Variants in NEB observed in about 807,000 individuals in gnomAD.
The protein encoded by NEB is nebulin, also known as nemaline myopathy type 2.
NEB carries 512 observed loss-of-function variants against 952.2 expected under a neutral mutation model. The observed-to-expected ratio is 0.54, with a 90% CI of 0.50 to 0.58. NEB has a LOEUF of 0.58. Ranked by LOEUF, NEB falls within the 20% of genes least tolerant of loss-of-function variation. NEB has a pLI of 0.00. For missense variants in NEB, 8,428 were observed against 9,231.1 expected (o/e 0.91, Z 3.56); for synonymous variants, 2,900 against 3,149.8 (o/e 0.92, Z 2.66).
At position 151,516,545 on chromosome 2, in the gene NEB, A is replaced by G. The variant is rs1472376062; in HGVS notation, c.22819T>C (p.Tyr7607His). 1 of 1,610,678 alleles carries G rather than the reference A, an allele frequency of 6.2e-7. No individual in the cohort carries two copies. Among genetic ancestry groups the G allele is most frequent in the Non-Finnish European group, 8.5e-7 (1 of 1,177,510 alleles). The change falls in exon 157 of 182, where the codon TAT becomes CAT. Residue 7607 changes from tyrosine (Y) to histidine (H), a missense_variant. Tyr to His is a moderately conservative substitution (Grantham distance 83). Coordinates refer to ENST00000397345, the MANE Select transcript of NEB (RefSeq NM_001164508.2). Reference protein sequence around the residue: ...LQSIVKYKEKYEKERGKPMLD... With the variant: ...LQSIVKYKEKHEKERGKPMLD... ...ATGGGTTTTCCTCGTTCCTTTTCAT[A>G]CTTTTCTTTGTATTTCACCTGGTGA...
intron 159 of NEB, 81 bp from the exon 160 acceptor site, chr2:151,513,774 A>G (rs2076089908): frequency 1.0e-6 from 1 of 953,890 alleles, no homozygotes; most frequent in Non-Finnish European, 1.6e-6. Flanking sequence ...ATGTAAATCC[A>G]CATAACACGC....
At chr2:151,646,264 GTGT>G in intron 54 of NEB, 30 bp from the exon 55 acceptor site, 1 of 1,479,816 alleles carries the variant, frequency 6.8e-7, no homozygotes, top group Non-Finnish European at 9.2e-7. Flanking sequence ...TTTTTCAGTG[GTGT>G]TGTTAGATTA....
chr2:151,533,649 C>A (rs1309863168), intron 142 of NEB, 103 bp from the exon 143 acceptor site: 5 of 715,224 alleles, frequency 7.0e-6, no homozygotes, highest in Non-Finnish European at 1.2e-5. Flanking sequence ...TGTAGGCATA[C>A]ACACTTTATG....
At position 151,509,027 on chromosome 2, in the gene NEB, TAGGGCTG is replaced by T. The variant is rs563284532; in HGVS notation, c.23347-925_23347-919del. 8.1e-4 allele frequency among the ~76,000 whole-genome samples: 124 copies of T among 152,348 alleles called. No homozygotes were observed. In the East Asian group the frequency reaches 0.016, roughly 20 times the overall value. ...CACTCTTCAGGGAAGTTTTAGTTTG[TAGGGCTG>T]AGGGCTGAGGAATGAGACTAGCCAC... On this transcript the variant is annotated intron_variant, in intron 161 of 181. Coordinates refer to ENST00000397345, the MANE Select transcript of NEB (RefSeq NM_001164508.2).
intron 18 of NEB, 124 bp downstream of exon 18, chr2:151,695,454 T>C (rs2099589329): frequency 1.4e-6 from 1 of 723,610 alleles, no homozygotes; most frequent in Admixed American, 2.7e-5. Context: ...AGCAACATGA[T>C]ACAAATGTTA....
intron 34 of NEB, 23 bp downstream of exon 34, chr2:151,677,542 C>G: frequency 1.3e-6 from 2 of 1,585,222 alleles, no homozygotes; most frequent in Non-Finnish European, 1.7e-6. Flanking sequence ...TATCCTCTGT[C>G]CTCTCTATTT....
chr2:151,520,856 C>G (rs1211769374), intron 153 of NEB, among the ~76,000 whole-genome samples: 1 of 149,274 alleles, frequency 6.7e-6, no homozygotes, highest in Non-Finnish European at 1.5e-5. Flanking sequence ...AGAGCAAGAC[C>G]CTGTCTCACA....
At chr2:151,542,737 C>T (rs1036499135) in intron 135 of NEB, among the ~76,000 whole-genome samples, 1 of 152,174 alleles carries the variant, frequency 6.6e-6, no homozygotes, top group African/African-American at 2.4e-5. Flanking sequence ...TGGACCACCC[C>T]ACGTGAGTCA....
Position 151,538,122 on chromosome 2 carries a change from A to G in NEB, c.20997+18T>C, listed in dbSNP as rs2093486709. Reference sequence around the variant, plus strand: ...GAGTTGTAGAGCCCAACACAAGTAGAAATATTTAGGGACATACTTTACTGA... The same window carrying G: ...GAGTTGTAGAGCCCAACACAAGTAGGAATATTTAGGGACATACTTTACTGA... On this transcript the variant is annotated intron_variant, in intron 139 of 181. Transcript: ENST00000397345. 6.3e-7 allele frequency: 1 copy of G among 1,581,640 alleles called. No homozygotes were observed. Among genetic ancestry groups the G allele is most frequent in the Admixed American group, 1.7e-5 (1 of 59,386 alleles).
At chr2:151,702,314 G>A (rs1191676941) in intron 13 of NEB, among the ~76,000 whole-genome samples, 2 of 151,842 alleles carry the variant, frequency 1.3e-5, no homozygotes, top group Non-Finnish European at 2.9e-5. Flanking sequence ...AATAGGTGTG[G>A]TGTGGTGCTG....
rs755370356 is a variant in NEB, at chr2:151,547,668, C to G, written c.20228G>C (p.Arg6743Pro). The part of the protein sequence containing the change: ...IHTTPDTPEI[R>P]QVKKTQEAVS... ...AGCCTCTTGTGTCTTCTTGACTTGG[C>G]GGATCTCAGGGGTATCGGGAGTTGT... Residue 6743 changes from arginine to proline, a missense_variant, in exon 132 of 182, where the codon CGC becomes CCC. By Grantham distance (103) the Arg-to-Pro change is moderately radical. Coordinates refer to ENST00000397345, the MANE Select transcript of NEB (RefSeq NM_001164508.2). 6.2e-7 allele frequency: 1 copy of G among 1,613,598 alleles called. No homozygotes were observed. Among genetic ancestry groups the G allele is most frequent in the Admixed American group, 1.7e-5 (1 of 59,986 alleles).
At chr2:151,645,141 A>G (rs2098938852) in intron 55 of NEB, among the ~76,000 whole-genome samples, 1 of 152,246 alleles carries the variant, frequency 6.6e-6, no homozygotes, top group Non-Finnish European at 1.5e-5. Flanking sequence ...GTGCATGTCT[A>G]TACTTGCAAG....
In NEB at chr2:151,549,533, A is replaced by T. The variant is rs562729009; in HGVS notation, c.20049+103T>A. Reference sequence around the variant, plus strand: ...CAGCTCCCATCATTCTATCAGGTTGAACCTTGAGGGTGAGACTGGAGGATT... The same window carrying T: ...CAGCTCCCATCATTCTATCAGGTTGTACCTTGAGGGTGAGACTGGAGGATT... On this transcript the variant is annotated intron_variant, in intron 130 of 181. Transcript: ENST00000397345. The T allele has an allele frequency of 4.3e-4, 338 of 791,912 alleles. No individual in the cohort carries two copies. The African/African-American group carries it at 4.6e-3, about 11-fold the overall frequency. 49.1% of individuals were successfully genotyped at this position (791,912 alleles called of 1,614,324 possible).
At chr2:151,680,949 A>C (rs1357158987) in intron 29 of NEB, 121 bp from the exon 30 acceptor site, 1 of 795,438 alleles carries the variant, frequency 1.3e-6, no homozygotes, top group Non-Finnish European at 2.2e-6. Flanking sequence ...TAAAATGCAA[A>C]AACACTAGAT....
At chr2:151,679,469 G>A (rs1355730063) in intron 32 of NEB, among the ~76,000 whole-genome samples, 1 of 152,242 alleles carries the variant, frequency 6.6e-6, no homozygotes, top group Non-Finnish European at 1.5e-5. Flanking sequence ...AGTAATGTGA[G>A]TTAGTGTAGA....
chr2:151,548,895 A>G (rs1212915745), intron 130 of NEB, among the ~76,000 whole-genome samples: 1 of 152,132 alleles, frequency 6.6e-6, no homozygotes, highest in Non-Finnish European at 1.5e-5. Flanking sequence ...TCTGGCCACT[A>G]GGTTTGATTC....
In NEB at chr2:151,633,723, G is replaced by A. The variant is rs367739638; in HGVS notation, c.9345C>T (p.His3115=). The change falls in exon 65 of 182, where the codon CAC becomes CAT. Residue 3115 remains histidine, a synonymous_variant. Coordinates refer to ENST00000397345, the MANE Select transcript of NEB (RefSeq NM_001164508.2). ...TCTGGTCAGGCAGGCATGTCCACTC[G>A]TGCAGGTAGTTCTTATAGTCCACGT... is the stretch of plus-strand genomic sequence containing the variant. ...VSDVDYKNYL[H]EWTCLPDQSD... is the part of the protein sequence containing the mutation. 1.5e-4 allele frequency: 238 copies of A among 1,613,848 alleles called. No individual in the cohort carries two copies. The highest frequency in any genetic ancestry group is 1.9e-4 in the Non-Finnish European group (224 of 1,179,896).
At chr2:151,577,682 G>T (rs547353501) in intron 105 of NEB, among the ~76,000 whole-genome samples, 1 of 152,052 alleles carries the variant, frequency 6.6e-6, no homozygotes, top group Non-Finnish European at 1.5e-5. Flanking sequence ...AGGTTCAAAC[G>T]ATTCTCCTGC....
In NEB at chr2:151,612,051, G is replaced by A. The variant is rs1239500228; in HGVS notation, c.11805+135C>T. ...GAGCACACCTTGAATTCAAGCAGAT[G>A]CTCTGTTAAAGGCCTGCATGAGAAT... On this transcript the variant is annotated intron_variant, in intron 78 of 181. Coordinates refer to ENST00000397345, the MANE Select transcript of NEB (RefSeq NM_001164508.2). 1.2e-5 allele frequency: 10 copies of A among 862,342 alleles called. No homozygotes were observed. The South Asian group carries it at 1.2e-4, about 10-fold the overall frequency. The allele number at this position is 862,342 out of a possible 1,614,324, so 53.4% of individuals were successfully genotyped here. A position where few individuals can be genotyped will look rare whatever the true frequency, so the allele number is the denominator to read the frequency against.
Sources: gnomAD v4.1 joint callset for allele counts (sites outside exome capture counted in the v4.1 genomes callset) on GRCh38, gnomAD v4.1.1 for gene constraint, MANE v1.5 for transcripts, NCBI Gene and HGNC (gene_info 2026-07-23, HGNC 2026-07-21) for gene names.